Variants in DNAJC1 observed in about 807,000 individuals in gnomAD.
The protein encoded by DNAJC1 is DnaJ heat shock protein family (Hsp40) member C1, also known as dnaJ homolog subfamily C member 1.
A neutral mutation model predicts 76.6 loss-of-function variants in DNAJC1; 58 were observed. The observed-to-expected ratio is 0.76, with a 90% CI of 0.61 to 0.94. The LOEUF is 0.94. DNAJC1 is among the 40% of genes least tolerant of loss of function. The pLI is 0.00. For synonymous variants in DNAJC1, 258 were observed against 267.9 expected, an observed-to-expected ratio of 0.96 and a Z score of 0.36; for missense variants, 689 against 677.3, an observed-to-expected ratio of 1.02 and a Z score of -0.19.
chr10:21,775,483 A>C (rs1046088968), intron 9 of DNAJC1, among the ~76,000 whole-genome samples: 3 of 151,984 alleles, frequency 2.0e-5, no homozygotes, highest in Non-Finnish European at 4.4e-5. Flanking sequence ...TAGGTAGATA[A>C]AGAAGTTTCC....
At chr10:21,833,680 T>C (rs1835399397) in intron 8 of DNAJC1, among the ~76,000 whole-genome samples, 1 of 152,016 alleles carries the variant, frequency 6.6e-6, no homozygotes, top group African/African-American at 2.4e-5. Context: ...ACACATGAAG[T>C]GCGCAGAACA....
chr10:21,820,991 A>C (rs1835149964), intron 8 of DNAJC1, among the ~76,000 whole-genome samples: 1 of 152,184 alleles, frequency 6.6e-6, no homozygotes, highest in African/African-American at 2.4e-5. Context: ...AGGCCTCATT[A>C]TGTAGGCAAG....
At chr10:21,986,189 C>T (rs11012840) in intron 1 of DNAJC1, among the ~76,000 whole-genome samples, 85,103 of 152,044 alleles carry the variant, frequency 0.56, 26,496 homozygotes, top group East Asian at 0.94. Context: ...GCACTCCAGC[C>T]TGGGTGACAA....
intron 9 of DNAJC1, among the ~76,000 whole-genome samples, chr10:21,795,881 T>C (rs1159322062): frequency 6.6e-6 from 1 of 152,180 alleles, no homozygotes; most frequent in Non-Finnish European, 1.5e-5. Context: ...TGGAATCATG[T>C]AGTATCTGTC....
intron 8 of DNAJC1, among the ~76,000 whole-genome samples, chr10:21,871,294 G>A (rs1270305641): frequency 6.7e-6 from 1 of 150,286 alleles, no homozygotes; most frequent in Non-Finnish European, 1.5e-5. Flanking sequence ...CTGAGAAGGC[G>A]CTAAGCTCTC....
intron 8 of DNAJC1, among the ~76,000 whole-genome samples, chr10:21,874,441 A>G (rs567869308): frequency 6.6e-6 from 1 of 152,266 alleles, no homozygotes; most frequent in African/African-American, 2.4e-5. Flanking sequence ...GTAAAAAAAA[A>G]AAAAAAGAGA....
intron 8 of DNAJC1, among the ~76,000 whole-genome samples, chr10:21,848,962 T>C (rs1689655104): frequency 6.6e-6 from 1 of 152,124 alleles, no homozygotes; most frequent in African/African-American, 2.4e-5. Context: ...AATGTATGAA[T>C]ACAGTGAAAG....
chr10:21,998,511 A>G (rs1261862540), intron 1 of DNAJC1, among the ~76,000 whole-genome samples: 1 of 152,078 alleles, frequency 6.6e-6, no homozygotes, highest in Non-Finnish European at 1.5e-5. Flanking sequence ...ATAATTTAAG[A>G]TGGTAACGAA....
At chr10:21,820,338 G>C (rs941150693) in intron 8 of DNAJC1, among the ~76,000 whole-genome samples, 2 of 152,074 alleles carry the variant, frequency 1.3e-5, no homozygotes, top group Non-Finnish European at 2.9e-5. Context: ...ATGGACATTT[G>C]GGTTGTTTCT....
intron 9 of DNAJC1, among the ~76,000 whole-genome samples, chr10:21,786,171 A>G (rs1432896551): frequency 6.6e-6 from 1 of 152,006 alleles, no homozygotes; most frequent in Non-Finnish European, 1.5e-5. Context: ...TTCACGGACT[A>G]TAGAGTTGTT....
intron 1 of DNAJC1, among the ~76,000 whole-genome samples, chr10:21,992,377 A>T (rs1838340172): frequency 6.6e-6 from 1 of 152,164 alleles, no homozygotes; most frequent in Admixed American, 6.5e-5. Flanking sequence ...TATTGGGTTA[A>T]ATAAAATACA....
intron 1 of DNAJC1, among the ~76,000 whole-genome samples, chr10:21,954,566 AAT>A (rs1436913393): frequency 6.6e-6 from 1 of 152,220 alleles, no homozygotes; most frequent in Non-Finnish European, 1.5e-5. Context: ...AGTAGGCTGA[AAT>A]ATAGAGTTAA....
intron 7 of DNAJC1, among the ~76,000 whole-genome samples, chr10:21,890,653 A>G (rs1407113126): frequency 6.6e-6 from 1 of 152,128 alleles, no homozygotes; most frequent in East Asian, 1.9e-4. Flanking sequence ...TCATCTGTTA[A>G]ACAGACCACA....
chr10:21,759,358 CCTT>C lies in DNAJC1; in HGVS notation c.1405_1407del (p.Lys469del), dbSNP rs1163765541. ...TCGTTTTGTTCTGCTATGTCAAAGT[CCTT>C]CTGCCGCTTGGCTCTGGACTTCTCC... is the stretch of plus-strand genomic sequence containing the variant. On this transcript the variant is annotated inframe_deletion, in exon 11 of 12. Transcript: ENST00000376980. 6.2e-7 allele frequency: 1 copy of C among 1,614,222 alleles called. No individual in the cohort carries two copies. The highest frequency in any genetic ancestry group is 8.5e-7 in the Non-Finnish European group (1 of 1,180,046).
intron 1 of DNAJC1, among the ~76,000 whole-genome samples, chr10:21,945,418 T>TG (rs1449829178): frequency 6.6e-6 from 1 of 152,118 alleles, no homozygotes; most frequent in Non-Finnish European, 1.5e-5. Context: ...ACATAAATAC[T>TG]GATGAGAAAG....
intron 8 of DNAJC1, among the ~76,000 whole-genome samples, chr10:21,834,337 G>A (rs963181606): frequency 2.6e-5 from 4 of 152,212 alleles, no homozygotes; most frequent in African/African-American, 9.6e-5. Flanking sequence ...GTGGACTAAG[G>A]AGAGGAGCCA....
chr10:21,825,841 C>T (rs558881823), intron 8 of DNAJC1, among the ~76,000 whole-genome samples: 28 of 152,300 alleles, frequency 1.8e-4, no homozygotes, highest in South Asian at 6.2e-4. Context: ...GAAATGTCTA[C>T]TAAAATCCTT....
chr10:21,819,222 G>A (rs1835119298), intron 8 of DNAJC1, among the ~76,000 whole-genome samples: 2 of 152,110 alleles, frequency 1.3e-5, no homozygotes, highest in Admixed American at 6.5e-5. Context: ...CTAACATGGT[G>A]AAACCCCATC....
At chr10:21,810,027 C>G (rs1263301352) in intron 8 of DNAJC1, among the ~76,000 whole-genome samples, 2 of 151,866 alleles carry the variant, frequency 1.3e-5, no homozygotes, top group Non-Finnish European at 2.9e-5. Flanking sequence ...CCAATACTAT[C>G]GATTTAGGGC....
Sources: gnomAD v4.1 joint callset for allele counts (sites outside exome capture counted in the v4.1 genomes callset) on GRCh38, gnomAD v4.1.1 for gene constraint, MANE v1.5 for transcripts, NCBI Gene and HGNC (gene_info 2026-07-23, HGNC 2026-07-21) for gene names.